The following ST6GALNAC3 variants were observed in gnomAD, a reference collection of about 807,000 sequenced individuals.
The protein encoded by ST6GALNAC3 is alpha-N-acetylgalactosaminide alpha-2,6-sialyltransferase 3.
ST6GALNAC3 carries 25 observed loss-of-function variants against 32.7 expected under a neutral mutation model. That is an observed-to-expected ratio of 0.76 (90% CI 0.56 to 1.07). ST6GALNAC3 has a LOEUF of 1.07. Among genes scored for constraint, ST6GALNAC3 ranks in the 50% least tolerant of loss-of-function variants. The probability of loss-of-function intolerance (pLI) is 0.00; values close to 1 mark genes in which losing one functional copy is unlikely to be tolerated. For missense variants in ST6GALNAC3, 355 were observed against 382.4 expected (o/e 0.93, Z 0.60); for synonymous variants, 129 against 133.1 (o/e 0.97, Z 0.21).
intron 1 of ST6GALNAC3, among the ~76,000 whole-genome samples, chr1:76,223,071 A>G (rs1655869647): frequency 6.6e-6 from 1 of 152,184 alleles, no homozygotes; most frequent in South Asian, 2.1e-4. Context: ...AAATCATTCT[A>G]CCATAAAGAC....
intron 2 of ST6GALNAC3, among the ~76,000 whole-genome samples, chr1:76,324,814 T>G (rs988254701): frequency 9.2e-5 from 14 of 152,204 alleles, no homozygotes; most frequent in Non-Finnish European, 2.1e-4. Context: ...ATGGAGAAAC[T>G]GAGTGTGGGC....
intron 2 of ST6GALNAC3, among the ~76,000 whole-genome samples, chr1:76,367,263 T>C (rs1408908965): frequency 6.6e-6 from 1 of 152,170 alleles, no homozygotes; most frequent in African/African-American, 2.4e-5. Context: ...TAAATATGTA[T>C]TGAGGACCCT....
At chr1:76,355,251 A>G (rs1343146001) in intron 2 of ST6GALNAC3, among the ~76,000 whole-genome samples, 1 of 152,228 alleles carries the variant, frequency 6.6e-6, no homozygotes, top group Non-Finnish European at 1.5e-5. Context: ...TTTTAAAGAA[A>G]ACATTTTATT....
intron 3 of ST6GALNAC3, among the ~76,000 whole-genome samples, chr1:76,613,366 C>G (rs1648065918): frequency 6.6e-6 from 1 of 152,122 alleles, no homozygotes; most frequent in Non-Finnish European, 1.5e-5. Context: ...TATGGCCAGG[C>G]CTTTGCTACA....
intron 3 of ST6GALNAC3, among the ~76,000 whole-genome samples, chr1:76,423,386 T>C (rs977057411): frequency 3.2e-4 from 48 of 152,012 alleles, no homozygotes; most frequent in African/African-American, 1.1e-3. Context: ...AAAGGAATAT[T>C]ATGACCAAAG....
rs947828874 is a variant in ST6GALNAC3 at position 76,508,781 on chromosome 1, A to G, written c.623+96364A>G. On this transcript the variant is annotated intron_variant, in intron 3 of 4. Coordinates refer to ENST00000328299, the MANE Select transcript of ST6GALNAC3 (RefSeq NM_152996.4). ...ATTTATTCTCTACAGTTTTACAGCT[A>G]CCGGAACACACTGTCACTTTTACAT... is the stretch of plus-strand genomic sequence containing the variant. 5.9e-4 allele frequency among the ~76,000 whole-genome samples: 89 copies of G among 151,266 alleles called. 2 individuals are homozygous for G. The highest frequency in any genetic ancestry group is 2.9e-4 in the Non-Finnish European group (20 of 68,028).
intron 1 of ST6GALNAC3, among the ~76,000 whole-genome samples, chr1:76,292,765 G>A (rs961668640): frequency 3.3e-5 from 5 of 152,124 alleles, no homozygotes; most frequent in Admixed American, 2.6e-4. Flanking sequence ...CCTTGAATGC[G>A]ATTCTGTGCC....
intron 1 of ST6GALNAC3, among the ~76,000 whole-genome samples, chr1:76,224,205 C>T (rs1222056627): frequency 6.6e-6 from 1 of 152,126 alleles, no homozygotes; most frequent in Admixed American, 6.6e-5. Context: ...ACTCCAGAGC[C>T]ACCTTGTCTG....
chr1:76,161,420 G>A (rs1651798518), intron 1 of ST6GALNAC3, among the ~76,000 whole-genome samples: 1 of 152,172 alleles, frequency 6.6e-6, no homozygotes, highest in Non-Finnish European at 1.5e-5. Context: ...TAGGTTTCCT[G>A]ACCCTTGCTG....
At chr1:76,253,758 T>C (rs1455951768) in intron 1 of ST6GALNAC3, among the ~76,000 whole-genome samples, 1 of 152,172 alleles carries the variant, frequency 6.6e-6, no homozygotes, top group African/African-American at 2.4e-5. Context: ...CTTAACTCTT[T>C]TAGCACAGGT....
chr1:76,555,212 A>G (rs1445034297), intron 3 of ST6GALNAC3, among the ~76,000 whole-genome samples: 2 of 152,210 alleles, frequency 1.3e-5, no homozygotes, highest in African/African-American at 4.8e-5. Flanking sequence ...GAAAGAAGTT[A>G]CTAGAGATCT....
chr1:76,554,971 C>T (rs1338589836), intron 3 of ST6GALNAC3, among the ~76,000 whole-genome samples: 3 of 152,116 alleles, frequency 2.0e-5, no homozygotes, highest in Admixed American at 1.3e-4. Context: ...AAACAGTTAA[C>T]TAATTTGCCC....
At chr1:76,547,373 A>G (rs191943023) in intron 3 of ST6GALNAC3, among the ~76,000 whole-genome samples, 1 of 152,366 alleles carries the variant, frequency 6.6e-6, no homozygotes, top group East Asian at 1.9e-4. Context: ...CTTCCCATTC[A>G]GACAAATAAA....
chr1:76,431,188 G>A (rs992676016), intron 3 of ST6GALNAC3, among the ~76,000 whole-genome samples: 13 of 152,154 alleles, frequency 8.5e-5, no homozygotes, highest in African/African-American at 3.1e-4. Context: ...ATCACCTGTA[G>A]CTGCTGCTGC....
At chr1:76,521,786 A>C (rs1189004913) in intron 3 of ST6GALNAC3, among the ~76,000 whole-genome samples, 6 of 152,132 alleles carry the variant, frequency 3.9e-5, no homozygotes, top group African/African-American at 1.4e-4. Context: ...AAAATATTCC[A>C]GGCCAGGCGT....
At chr1:76,424,067 A>C (rs545359265) in intron 3 of ST6GALNAC3, among the ~76,000 whole-genome samples, 3 of 152,128 alleles carry the variant, frequency 2.0e-5, no homozygotes, top group African/African-American at 7.2e-5. Context: ...TGACTTTTTC[A>C]TGACATGTTC....
chr1:76,118,100 G>T (rs190053248), intron 1 of ST6GALNAC3, among the ~76,000 whole-genome samples: 1 of 152,230 alleles, frequency 6.6e-6, no homozygotes, highest in East Asian at 1.9e-4. Flanking sequence ...TTTAAGCCCT[G>T]CATGCGTTAG....
chr1:76,287,242 A>G (rs1256482697), intron 1 of ST6GALNAC3, among the ~76,000 whole-genome samples: 5 of 152,162 alleles, frequency 3.3e-5, no homozygotes, highest in African/African-American at 1.2e-4. Flanking sequence ...TGCACAAATG[A>G]TTATAGAGTG....
intron 3 of ST6GALNAC3, among the ~76,000 whole-genome samples, chr1:76,415,683 T>C (rs1256251017): frequency 6.6e-6 from 1 of 152,076 alleles, no homozygotes; most frequent in Non-Finnish European, 1.5e-5. Flanking sequence ...TCAGGCTTTT[T>C]TTGTACATAT....
Sources: allele counts gnomAD v4.1 joint callset (sites outside exome capture counted in the v4.1 genomes callset), GRCh38; gene constraint gnomAD v4.1.1; transcripts MANE v1.5; gene names NCBI Gene and HGNC (gene_info 2026-07-23, HGNC 2026-07-21).